Variants in MEIS1 observed in about 807,000 individuals in gnomAD.
The protein encoded by MEIS1 is Meis homeobox 1.
A neutral mutation model predicts 50.8 loss-of-function variants in MEIS1; 5 were observed. The observed-to-expected ratio is 0.10, with a 90% CI of 0.05 to 0.21. MEIS1 has a LOEUF of 0.21. MEIS1 is among the 10% of genes least tolerant of loss of function. The pLI, the probability that MEIS1 is intolerant of heterozygous loss-of-function variation, is 1.00. For missense variants in MEIS1, 318 were observed against 517.3 expected, an observed-to-expected ratio of 0.61 and a Z score of 3.74; for synonymous variants, 176 against 179.3, an observed-to-expected ratio of 0.98 and a Z score of 0.15.
intron 9 of MEIS1, among the ~76,000 whole-genome samples, chr2:66,562,609 G>A (rs1471273021): frequency 1.3e-5 from 2 of 151,754 alleles, no homozygotes; most frequent in African/African-American, 2.4e-5. Flanking sequence ...TTCCTCTTTC[G>A]CTTTTTAGGA....
chr2:66,553,500 A>C (rs1295501847), intron 9 of MEIS1, among the ~76,000 whole-genome samples: 1 of 152,226 alleles, frequency 6.6e-6, no homozygotes, highest in Non-Finnish European at 1.5e-5. Flanking sequence ...CTCATAAGAA[A>C]ATATTGAAAT....
intron 6 of MEIS1, among the ~76,000 whole-genome samples, chr2:66,447,246 T>C (rs979568130): frequency 3.9e-5 from 6 of 152,232 alleles, no homozygotes; most frequent in Admixed American, 1.3e-4. Context: ...ATGGTCCCTT[T>C]GTCAGGTAGT....
chr2:66,540,365 G>A (rs139121239), intron 8 of MEIS1, among the ~76,000 whole-genome samples: 1 of 152,304 alleles, frequency 6.6e-6, no homozygotes, highest in African/African-American at 2.4e-5. Flanking sequence ...CTGGAGTGCA[G>A]TGGTGTGATC....
chr2:66,468,441 G>T (rs1416532761), intron 7 of MEIS1, among the ~76,000 whole-genome samples: 1 of 152,186 alleles, frequency 6.6e-6, no homozygotes, highest in Non-Finnish European at 1.5e-5. Context: ...CTAAATAAAT[G>T]ATGGTAAAAA....
intron 7 of MEIS1, among the ~76,000 whole-genome samples, chr2:66,495,645 A>G (rs1374722957): frequency 6.6e-6 from 1 of 152,178 alleles, no homozygotes; most frequent in Non-Finnish European, 1.5e-5. Context: ...GCCCTTTCCC[A>G]GTTTTGCATG....
At chr2:66,571,224 C>T (rs1334665937) in intron 12 of MEIS1, 22 bp from the exon 13 acceptor site, 2 of 1,549,476 alleles carry the variant, frequency 1.3e-6, no homozygotes, top group Non-Finnish European at 1.7e-6. Context: ...CTTTTTGTTT[C>T]TTTCTTTTGA....
chr2:66,567,924 T>C, intron 10 of MEIS1: 1 of 364,064 alleles, frequency 2.7e-6, no homozygotes, highest in South Asian at 3.2e-5. Context: ...CTTGTGGGAC[T>C]CAGTAAAGTT....
intron 5 of MEIS1, 75 bp downstream of exon 5, chr2:66,441,539 T>C: frequency 1.6e-6 from 2 of 1,228,318 alleles, no homozygotes; most frequent in Non-Finnish European, 2.2e-6. Flanking sequence ...TCCGAATGGC[T>C]GAAGTTCAGC....
intron 8 of MEIS1, among the ~76,000 whole-genome samples, chr2:66,513,881 G>C (rs1396989071): frequency 6.6e-6 from 1 of 152,134 alleles, no homozygotes; most frequent in African/African-American, 2.4e-5. Flanking sequence ...AATGAACTAG[G>C]GGAAAGAGGA....
intron 6 of MEIS1, among the ~76,000 whole-genome samples, chr2:66,447,847 C>G (rs1672189017): frequency 6.6e-6 from 1 of 152,120 alleles, no homozygotes; most frequent in African/African-American, 2.4e-5. Context: ...CTTTCTCTTT[C>G]AATCTCTCTC....
chr2:66,442,478 C>T (rs1031584089), intron 5 of MEIS1, among the ~76,000 whole-genome samples: 1 of 151,976 alleles, frequency 6.6e-6, no homozygotes, highest in African/African-American at 2.4e-5. Context: ...CACCACAGTA[C>T]AGGTTCTTTG....
intron 7 of MEIS1, among the ~76,000 whole-genome samples, chr2:66,482,068 G>A (rs1007416115): frequency 6.6e-6 from 1 of 151,858 alleles, no homozygotes; most frequent in Non-Finnish European, 1.5e-5. Context: ...CACCATGTTG[G>A]CCAGGATGGT....
chr2:66,442,663 T>G (rs2103689406), intron 5 of MEIS1: 3 of 429,114 alleles, frequency 7.0e-6, no homozygotes, highest in East Asian at 4.0e-5. Flanking sequence ...ACACGGGTGT[T>G]GAATATGTTG....
At chr2:66,507,655 C>A (rs1163022769) in intron 7 of MEIS1, among the ~76,000 whole-genome samples, 1 of 152,092 alleles carries the variant, frequency 6.6e-6, no homozygotes, top group Non-Finnish European at 1.5e-5. Context: ...CCTGAGAGGA[C>A]AGGAGTTAGT....
At chr2:66,443,132 T>C (rs1432399000) in intron 6 of MEIS1, 84 bp downstream of exon 6, 2 of 1,411,208 alleles carry the variant, frequency 1.4e-6, no homozygotes, top group African/African-American at 1.5e-5. Flanking sequence ...CACCTCCTTT[T>C]ATTATTTGCA....
intron 6 of MEIS1, among the ~76,000 whole-genome samples, chr2:66,458,325 T>C (rs1372733021): frequency 6.6e-6 from 1 of 152,086 alleles, no homozygotes. Context: ...CCTGTAAAAA[T>C]CATGTTATTC....
chr2:66,435,583 T>TG lies in MEIS1; in HGVS notation c.-269dup. On this transcript the variant is annotated 5_prime_UTR_variant, in exon 1 of 13. Transcript: ENST00000272369. The stretch of plus-strand genomic sequence containing the variant: ...CTTTTTTTTTTTTTAAACTGATTTT[T>TG]GGGGGAGAGAAGATCTGCTTTTTTT... 2.5e-6 allele frequency: 1 copy of TG among 403,696 alleles called. No individual in the cohort carries two copies. The highest frequency in any genetic ancestry group is 3.6e-5 in the East Asian group (1 of 28,068). 25.0% of individuals were successfully genotyped at this position (403,696 alleles called of 1,614,324 possible).
Position 66,568,695 on chromosome 2 carries a change from T to G in MEIS1, c.1053T>G (p.Asp351Glu). Residue 351 changes from aspartate to glutamate, a missense_variant, in exon 11 of 13, where the codon GAT becomes GAG. Asp to Glu is a conservative substitution (Grantham distance 45). Coordinates refer to ENST00000272369, the MANE Select transcript of MEIS1 (RefSeq NM_002398.3). ...GTCAAGGAACACCTTATAATCCTGA[T>G]GGACAGCCCATGGGAGGTTTCGTAA... ...AVSQGTPYNP[D>E]GQPMGGFVMD... The G allele has an allele frequency of 6.2e-7, 1 of 1,613,796 alleles. No individual in the cohort carries two copies. Among genetic ancestry groups the G allele is most frequent in the Non-Finnish European group, 8.5e-7 (1 of 1,179,698 alleles).
chr2:66,478,698 A>G (rs980076640), intron 7 of MEIS1, among the ~76,000 whole-genome samples: 3 of 152,238 alleles, frequency 2.0e-5, no homozygotes, highest in Non-Finnish European at 2.9e-5. Flanking sequence ...GCTTAAAGGA[A>G]TAATGCAACA....
Sources: gnomAD v4.1 joint callset for allele counts (sites outside exome capture counted in the v4.1 genomes callset) on GRCh38, gnomAD v4.1.1 for gene constraint, MANE v1.5 for transcripts, NCBI Gene and HGNC (gene_info 2026-07-23, HGNC 2026-07-21) for gene names.